NSL1: variants seen among roughly 807,000 people sequenced by gnomAD.
NSL1 encodes kinetochore-associated protein NSL1 homolog.
Under a neutral mutation model 25.4 loss-of-function variants are expected in NSL1, and 11 were observed. The observed-to-expected ratio is 0.43, with a 90% CI of 0.27 to 0.72. NSL1 has a LOEUF of 0.72. Ranked by LOEUF, NSL1 falls within the 30% of genes least tolerant of loss-of-function variation. NSL1 has a pLI of 0.19. For missense variants in NSL1, 330 were observed against 342.7 expected (o/e 0.96, Z 0.29); for synonymous variants, 118 against 120.6 (o/e 0.98, Z 0.14).
intron 4 of NSL1, among the ~76,000 whole-genome samples, chr1:212,761,184 C>T (rs1445042511): frequency 6.6e-6 from 1 of 152,136 alleles, no homozygotes; most frequent in Non-Finnish European, 1.5e-5. Flanking sequence ...ACATAAGAAA[C>T]ATGAAAAAGC....
intron 3 of NSL1, 130 bp from the exon 4 acceptor site, chr1:212,782,556 G>C: frequency 1.4e-6 from 1 of 703,312 alleles, no homozygotes; most frequent in Non-Finnish European, 2.5e-6. Flanking sequence ...AAATCCTACT[G>C]TCTGTAGGGA....
chr1:212,749,161 A>G (rs1284298903), intron 4 of NSL1, among the ~76,000 whole-genome samples: 1 of 152,176 alleles, frequency 6.6e-6, no homozygotes, highest in African/African-American at 2.4e-5. Flanking sequence ...TTATACTGCA[A>G]TATATGTGCA....
chr1:212,778,071 AT>A, intron 4 of NSL1, among the ~76,000 whole-genome samples: 1 of 152,234 alleles, frequency 6.6e-6, no homozygotes. Context: ...AGAACAATTT[AT>A]GGGACTTATT....
chr1:212,779,318 T>G (rs1660561671), intron 4 of NSL1, among the ~76,000 whole-genome samples: 2 of 127,664 alleles, frequency 1.6e-5, no homozygotes, highest in East Asian at 2.6e-4. Context: ...AGCCGCCCCG[T>G]CCGGGAGGGA....
In NSL1 at chr1:212,735,551, G is replaced by A; in HGVS notation, c.*2857C>T. ...CTAGGATAAGATTTTCTGTGGGCTT[G>A]TGTTATGGACTCAATGTTTGTGTCC... On this transcript the variant is annotated 3_prime_UTR_variant, in exon 6 of 6. Coordinates refer to ENST00000366977, the MANE Select transcript of NSL1 (RefSeq NM_015471.4). The A allele has an allele frequency of 7.1e-6, 7 of 985,274 alleles. No homozygotes were observed. Among genetic ancestry groups the A allele is most frequent in the Non-Finnish European group, 8.4e-6 (7 of 829,790 alleles). 61.0% of individuals were successfully genotyped at this position (985,274 alleles called of 1,614,324 possible). A position where few individuals can be genotyped will look rare whatever the true frequency, so the allele number is the denominator to read the frequency against.
intron 4 of NSL1, among the ~76,000 whole-genome samples, chr1:212,749,553 A>G (rs1658970055): frequency 1.3e-5 from 2 of 151,826 alleles, no homozygotes; most frequent in East Asian, 3.9e-4. Flanking sequence ...TCCCAAAGTG[A>G]TGGGATTACA....
rs1268647974 is a variant in NSL1 at position 212,731,508 on chromosome 1, T to C, written c.*6900A>G. 1.0e-6 allele frequency: 1 copy of C among 985,300 alleles called. No homozygotes were observed. 61.0% of individuals were successfully genotyped at this position (985,300 alleles called of 1,614,324 possible). Reference sequence around the variant, plus strand: ...AGGTTCTAGGGGATGATTTGTCTCTTAAACCAAATTTATTTTCCCTTAATT... The same window carrying C: ...AGGTTCTAGGGGATGATTTGTCTCTCAAACCAAATTTATTTTCCCTTAATT... On this transcript the variant is annotated 3_prime_UTR_variant, in exon 6 of 6. Transcript: ENST00000366977.
rs1489851536 is a variant in NSL1 at position 212,791,484 on chromosome 1, T to C, written c.234+46A>G. The C allele has an allele frequency of 3.9e-6, 6 of 1,519,954 alleles. No homozygotes were observed. In the East Asian group the frequency reaches 9.1e-5, roughly 23 times the overall value. The allele number at this position is 1,519,954 out of a possible 1,614,324, so 94.2% of individuals were successfully genotyped here. On this transcript the variant is annotated intron_variant, in intron 1 of 5. Coordinates refer to ENST00000366977, the MANE Select transcript of NSL1 (RefSeq NM_015471.4). Reference sequence around the variant, plus strand: ...TTCTGAATCCTAAGATCCTGGGTGTTGGGTAAGAGGATGATGAGTAAAGAA... The same window carrying C: ...TTCTGAATCCTAAGATCCTGGGTGTCGGGTAAGAGGATGATGAGTAAAGAA...
intron 4 of NSL1, among the ~76,000 whole-genome samples, chr1:212,777,284 G>A (rs771736848): frequency 2.0e-5 from 3 of 151,986 alleles, no homozygotes; most frequent in Non-Finnish European, 4.4e-5. Flanking sequence ...GGTTGAGGCT[G>A]GAAGATCACT....
intron 4 of NSL1, among the ~76,000 whole-genome samples, chr1:212,751,927 C>T (rs1169867714): frequency 6.6e-6 from 1 of 152,154 alleles, no homozygotes; most frequent in Non-Finnish European, 1.5e-5. Flanking sequence ...TCCTGATATA[C>T]AAGTATGTGA....
chr1:212,784,662 T>C (rs1660866082), intron 2 of NSL1, among the ~76,000 whole-genome samples, 169 bp from the exon 3 acceptor site: 1 of 152,236 alleles, frequency 6.6e-6, no homozygotes, highest in Non-Finnish European at 1.5e-5. Flanking sequence ...TATTTACGCA[T>C]TGAACAATCA....
Position 212,727,000 on chromosome 1 carries a change from G to A in NSL1, c.*11408C>T, listed in dbSNP as rs1657817201. The A allele has an allele frequency of 3.1e-6, 3 of 974,418 alleles. No individual in the cohort carries two copies. The highest frequency in any genetic ancestry group is 1.7e-5 in the South Asian group (1 of 58,058). The allele number at this position is 974,418 out of a possible 1,614,324, so 60.4% of individuals were successfully genotyped here. Reference sequence around the variant, plus strand: ...GCTTCCTGGCTGTGTCCTCTCAGAGGCCCTCCAGTCCAGTCTACTCCGGCC... The same window carrying A: ...GCTTCCTGGCTGTGTCCTCTCAGAGACCCTCCAGTCCAGTCTACTCCGGCC... On this transcript the variant is annotated 3_prime_UTR_variant, in exon 6 of 6. Coordinates refer to ENST00000366977, the MANE Select transcript of NSL1 (RefSeq NM_015471.4).
chr1:212,731,656 T>G lies in NSL1; in HGVS notation c.*6752A>C, dbSNP rs1658020106. The G allele has an allele frequency of 1.9e-5, 19 of 985,452 alleles. No individual in the cohort carries two copies. The highest frequency in any genetic ancestry group is 2.2e-5 in the Non-Finnish European group (18 of 829,926). The allele number at this position is 985,452 out of a possible 1,614,324, so 61.0% of individuals were successfully genotyped here. ...TTAATACTTCCCACTTCGTCAGCTC[T>G]TTATTCTGCTGCACTAAATTATATC... On this transcript the variant is annotated 3_prime_UTR_variant, in exon 6 of 6. Coordinates refer to ENST00000366977, the MANE Select transcript of NSL1 (RefSeq NM_015471.4).
At chr1:212,783,405 G>A (rs537681677) in intron 3 of NSL1, among the ~76,000 whole-genome samples, 14 of 152,060 alleles carry the variant, frequency 9.2e-5, no homozygotes, top group African/African-American at 2.4e-4. Flanking sequence ...GATGGAATGC[G>A]GTATTTGAGA....
chr1:212,778,014 T>G lies in NSL1; in HGVS notation c.499+4358A>C, dbSNP rs1571911923. Among the ~76,000 whole-genome samples the G allele has an allele frequency of 2.0e-5, 3 of 152,270 alleles. No homozygotes were observed. The East Asian group carries it at 5.8e-4, about 29-fold the overall frequency. Reference sequence around the variant, plus strand: ...GAGTGATGGTAACCTAGAATAGAGATGACAATAACAAAATGAAGAGAAGTC... The same window carrying G: ...GAGTGATGGTAACCTAGAATAGAGAGGACAATAACAAAATGAAGAGAAGTC... On this transcript the variant is annotated intron_variant, in intron 4 of 5. Transcript: ENST00000366977.
chr1:212,741,026 T>C (rs1402075364), intron 4 of NSL1, among the ~76,000 whole-genome samples: 1 of 152,192 alleles, frequency 6.6e-6, no homozygotes, highest in African/African-American at 2.4e-5. Flanking sequence ...TGGAAGGAAA[T>C]GCTAAATTTC....
At chr1:212,745,195 TATATATATGC>T (rs1435167640) in intron 4 of NSL1, among the ~76,000 whole-genome samples, 3 of 72,136 alleles carry the variant, frequency 4.2e-5, no homozygotes, top group African/African-American at 1.4e-4. Context: ...TATATATATA[TATATATATGC>T]ATATGCATAT....
intron 4 of NSL1, among the ~76,000 whole-genome samples, chr1:212,780,339 C>T (rs898714340): frequency 2.0e-5 from 3 of 151,748 alleles, no homozygotes; most frequent in African/African-American, 7.3e-5. Flanking sequence ...ACTCCCTAAT[C>T]TCAAGTACCC....
intron 4 of NSL1, among the ~76,000 whole-genome samples, chr1:212,774,468 A>T (rs2102387810): frequency 6.6e-6 from 1 of 152,372 alleles, no homozygotes; most frequent in South Asian, 2.1e-4. Context: ...TCCAGAATAC[A>T]TAAAGAACCA....
Sources: gnomAD v4.1 joint callset for allele counts (sites outside exome capture counted in the v4.1 genomes callset) on GRCh38, gnomAD v4.1.1 for gene constraint, MANE v1.5 for transcripts, NCBI Gene and HGNC (gene_info 2026-07-23, HGNC 2026-07-21) for gene names.